The following PNLIPRP3 variants were observed in gnomAD, a reference collection of about 807,000 sequenced individuals.
PNLIPRP3 encodes the protein pancreatic lipase-related protein 3.
Under a neutral mutation model 52.8 loss-of-function variants are expected in PNLIPRP3, and 58 were observed. The observed-to-expected ratio is 1.10, with a 90% CI of 0.89 to 1.37. The LOEUF (loss-of-function observed/expected upper bound fraction) is 1.37. Among genes scored for constraint, PNLIPRP3 ranks in the 40% most tolerant of loss-of-function variants. PNLIPRP3 has a pLI of 0.00. For missense variants in PNLIPRP3, 593 were observed against 561.6 expected (o/e 1.06, Z -0.57); for synonymous variants, 192 against 185.0 (o/e 1.04, Z -0.31).
chr10:116,468,252 T>C (rs1846312265), intron 8 of PNLIPRP3, among the ~76,000 whole-genome samples: 1 of 151,420 alleles, frequency 6.6e-6, no homozygotes, highest in Admixed American at 6.6e-5. Context: ...AAAGCATACA[T>C]GCATTTCCTT....
chr10:116,473,620 C>T (rs1846409345), intron 10 of PNLIPRP3, among the ~76,000 whole-genome samples: 1 of 152,010 alleles, frequency 6.6e-6, no homozygotes, highest in South Asian at 2.1e-4. Context: ...TTCCCGGGTT[C>T]AAGTGATTAT....
chr10:116,450,370 A>G (rs904744923), intron 4 of PNLIPRP3, among the ~76,000 whole-genome samples: 1 of 152,226 alleles, frequency 6.6e-6, no homozygotes, highest in African/African-American at 2.4e-5. Flanking sequence ...CCACTGTGGC[A>G]TGGGGAAACC....
Position 116,427,997 on chromosome 10 carries a change from T to C in PNLIPRP3, c.-16T>C. ...TCTTCAAGAAGATTTTTATGTGATT[T>C]AAAAAATCAGCTTAGATGCTTGGAA... On this transcript the variant is annotated 5_prime_UTR_variant, in exon 1 of 12. Transcript: ENST00000369230. The C allele has an allele frequency of 6.2e-7, 1 of 1,601,770 alleles. No individual in the cohort carries two copies. The highest frequency in any genetic ancestry group is 8.5e-7 in the Non-Finnish European group (1 of 1,170,308).
At chr10:116,429,963 T>A (rs1376615501) in intron 1 of PNLIPRP3, among the ~76,000 whole-genome samples, 3 of 152,020 alleles carry the variant, frequency 2.0e-5, no homozygotes, top group Non-Finnish European at 4.4e-5. Flanking sequence ...CAATTTAAGA[T>A]GAAAGAAATA....
chr10:116,444,765 A>G (rs1845919708), intron 4 of PNLIPRP3, among the ~76,000 whole-genome samples: 1 of 152,222 alleles, frequency 6.6e-6, no homozygotes, highest in African/African-American at 2.4e-5. Context: ...CCGCAAGGTC[A>G]CTGCCTTGGT....
intron 5 of PNLIPRP3, among the ~76,000 whole-genome samples, chr10:116,459,312 G>C (rs996927968): frequency 1.3e-5 from 2 of 150,502 alleles, no homozygotes; most frequent in Non-Finnish European, 3.0e-5. Context: ...CCTATGACAA[G>C]CTAAGTGTGC....
Position 116,461,102 on chromosome 10 carries a change from T to C in PNLIPRP3, c.685+17T>C. The C allele has an allele frequency of 6.2e-7, 1 of 1,614,128 alleles. No individual in the cohort carries two copies. Among genetic ancestry groups the C allele is most frequent in the African/African-American group, 1.3e-5 (1 of 75,032 alleles). On this transcript the variant is annotated intron_variant, in intron 6 of 11. Coordinates refer to ENST00000369230, the MANE Select transcript of PNLIPRP3 (RefSeq NM_001011709.3). ...TTGAGCTTGGTAAGTTTTAACAGAA[T>C]CAGAAACTTCATTGAAGCATAGAGG...
chr10:116,429,836 T>G (rs1845685009), intron 1 of PNLIPRP3, among the ~76,000 whole-genome samples: 1 of 152,042 alleles, frequency 6.6e-6, no homozygotes, highest in East Asian at 1.9e-4. Flanking sequence ...AACTACTGAG[T>G]CCTAGGACAC....
chr10:116,448,774 G>A (rs536313090), intron 4 of PNLIPRP3, among the ~76,000 whole-genome samples: 64 of 152,220 alleles, frequency 4.2e-4, no homozygotes, highest in Middle Eastern at 6.8e-3. Context: ...CCAGCACTTT[G>A]TGAGACCGAG....
In PNLIPRP3 at chr10:116,466,154, AC is replaced by A; in HGVS notation, c.914del (p.Thr305AsnfsTer31). The A allele has an allele frequency of 6.2e-7, 1 of 1,600,906 alleles. No individual in the cohort carries two copies. Among genetic ancestry groups the A allele is most frequent in the Non-Finnish European group, 8.5e-7 (1 of 1,169,878 alleles). On this transcript the variant is annotated frameshift_variant, in exon 8 of 12. Coordinates refer to ENST00000369230, the MANE Select transcript of PNLIPRP3 (RefSeq NM_001011709.3). LOFTEE classifies it high-confidence loss of function. ...AFIAYPCRSYTSFKAGNCFFC... is the reference protein window; with the variant it reads ...AFIAYPCRSYXSFKAGNCFFC... Reference sequence around the variant, plus strand: ...TATTGCTTATCCTTGTAGATCCTACACATCTTTTAAAGCAGTAAGTAAATCA... The same window carrying A: ...TATTGCTTATCCTTGTAGATCCTACAATCTTTTAAAGCAGTAAGTAAATCA...
chr10:116,458,547 T>C (rs193236399), intron 5 of PNLIPRP3, among the ~76,000 whole-genome samples: 159 of 152,228 alleles, frequency 1.0e-3, no homozygotes, highest in African/African-American at 3.8e-3. Flanking sequence ...ATCCTGACTT[T>C]ATTAGAAAGT....
intron 10 of PNLIPRP3, among the ~76,000 whole-genome samples, chr10:116,472,427 G>A (rs1305442247): frequency 6.6e-6 from 1 of 152,054 alleles, no homozygotes; most frequent in Non-Finnish European, 1.5e-5. Flanking sequence ...TAGCATTTTT[G>A]TATTATGTTC....
chr10:116,445,558 TA>T lies in PNLIPRP3; in HGVS notation c.456+1056del, dbSNP rs3032169. On this transcript the variant is annotated intron_variant, in intron 4 of 11. Transcript: ENST00000369230. ...CAGATTCATCTTCATCTTCTCTTTA[TA>T]AAAAAAAAAAGCCAGCTGTAAGCTT... Among the ~76,000 whole-genome samples, 1,132 of 148,900 alleles carry T rather than the reference TA, an allele frequency of 7.6e-3. 16 individuals are homozygous for T. Among genetic ancestry groups the T allele is most frequent in the African/African-American group, 0.024 (968 of 40,546 alleles).
rs34077637 is a variant in PNLIPRP3, at chr10:116,455,638, CT to C, written c.457-74del. On this transcript the variant is annotated intron_variant, in intron 4 of 11. Transcript: ENST00000369230. ...TGCAAAAGGGAGAACCATGTTGATC[CT>C]TTTTTTTTTCTATTTTTAAAGCATA... is the stretch of plus-strand genomic sequence containing the variant. 614 of 686,504 alleles carry C rather than the reference CT, an allele frequency of 8.9e-4. 2 individuals carry two copies. Among genetic ancestry groups the C allele is most frequent in the African/African-American group, 7.5e-3 (421 of 55,918 alleles). The allele number at this position is 686,504 out of a possible 1,614,324, so 42.5% of individuals were successfully genotyped here. A position where few individuals can be genotyped will look rare whatever the true frequency, so the allele number is the denominator to read the frequency against.
At chr10:116,470,697 A>G (rs915865893) in intron 9 of PNLIPRP3, among the ~76,000 whole-genome samples, 83 of 151,738 alleles carry the variant, frequency 5.5e-4, no homozygotes, top group African/African-American at 1.9e-3. Flanking sequence ...TTTAGTAGAG[A>G]CGGGGTTTCA....
chr10:116,444,835 A>C (rs1161167602), intron 4 of PNLIPRP3, among the ~76,000 whole-genome samples: 1 of 152,184 alleles, frequency 6.6e-6, no homozygotes. Flanking sequence ...TAGAATTATA[A>C]ATTGTTACCA....
chr10:116,455,472 C>G (rs1846098896), intron 4 of PNLIPRP3, among the ~76,000 whole-genome samples: 1 of 152,114 alleles, frequency 6.6e-6, no homozygotes, highest in African/African-American at 2.4e-5. Flanking sequence ...CTCCTGTTTC[C>G]AAGGACCACA....
chr10:116,442,793 G>A (rs1845876837), intron 2 of PNLIPRP3, among the ~76,000 whole-genome samples: 1 of 152,132 alleles, frequency 6.6e-6, no homozygotes, highest in South Asian at 2.1e-4. Flanking sequence ...GAGCCCAGGA[G>A]TTTGCAACTG....
At chr10:116,452,822 CCCAGG>C (rs1482716206) in intron 4 of PNLIPRP3, among the ~76,000 whole-genome samples, 2 of 152,226 alleles carry the variant, frequency 1.3e-5, no homozygotes, top group Non-Finnish European at 1.5e-5. Flanking sequence ...AGTCTGTGTG[CCCAGG>C]CAGAAGTCTG....
Sources: gnomAD v4.1 joint callset for allele counts (sites outside exome capture counted in the v4.1 genomes callset) on GRCh38, gnomAD v4.1.1 for gene constraint, MANE v1.5 for transcripts, NCBI Gene and HGNC (gene_info 2026-07-23, HGNC 2026-07-21) for gene names.